The following CDH18 variants were observed in gnomAD, a reference collection of about 807,000 sequenced individuals.
The protein encoded by CDH18 is cadherin 18, also known as cadherin-18.
Under a neutral mutation model 67.9 loss-of-function variants are expected in CDH18, and 31 were observed. The observed-to-expected ratio is 0.46, with a 90% CI of 0.34 to 0.62. The LOEUF (loss-of-function observed/expected upper bound fraction) is 0.62, where lower values mean the gene tolerates loss of function less well. Among genes scored for constraint, CDH18 ranks in the 20% least tolerant of loss-of-function variants. The pLI is 0.01. For missense variants in CDH18, 890 were observed against 975.5 expected (o/e 0.91, Z 1.17); for synonymous variants, 362 against 347.2 (o/e 1.04, Z -0.48).
At chr5:20,165,222 T>A (rs996194632) in intron 2 of CDH18, among the ~76,000 whole-genome samples, 8 of 152,040 alleles carry the variant, frequency 5.3e-5, no homozygotes, top group Admixed American at 2.0e-4. Flanking sequence ...ATTCTAAATT[T>A]AGAATGCATG....
intron 3 of CDH18, among the ~76,000 whole-genome samples, chr5:19,768,708 T>C (rs554718910): frequency 4.6e-5 from 7 of 152,072 alleles, no homozygotes; most frequent in East Asian, 1.9e-4. Context: ...TACAAAACTA[T>C]TGCAGAAAAC....
intron 2 of CDH18, among the ~76,000 whole-genome samples, chr5:20,110,804 T>C (rs1747394673): frequency 1.3e-5 from 2 of 152,218 alleles, no homozygotes; most frequent in African/African-American, 2.4e-5. Flanking sequence ...TGAAAATGAA[T>C]TGAGAATATG....
intron 1 of CDH18, among the ~76,000 whole-genome samples, chr5:20,375,988 C>T (rs1465915883): frequency 6.6e-6 from 1 of 151,490 alleles, no homozygotes; most frequent in Non-Finnish European, 1.5e-5. Context: ...TCCACTGAGA[C>T]TGGGCAACGT....
chr5:20,021,921 GATA>G lies in CDH18; in HGVS notation c.-517-29910_-517-29908del, dbSNP rs771879273. On this transcript the variant is annotated intron_variant, in intron 2 of 14. Transcript: ENST00000507958. ...AGCAGAAGCCATGGACACAGCAATT[GATA>G]ATATTTGCTTAATAAAAACAACACA... 2.3e-4 allele frequency among the ~76,000 whole-genome samples: 35 copies of G among 152,246 alleles called. 1 individual carries two copies. In the East Asian group the frequency reaches 4.3e-3, roughly 18 times the overall value.
intron 3 of CDH18, among the ~76,000 whole-genome samples, chr5:19,772,684 CAT>C: frequency 6.6e-6 from 1 of 152,246 alleles, no homozygotes; most frequent in East Asian, 1.9e-4. Context: ...TTATTATACT[CAT>C]ATTTTTAAAT....
intron 3 of CDH18, among the ~76,000 whole-genome samples, chr5:19,819,892 G>T (rs1779683301): frequency 1.3e-5 from 2 of 152,020 alleles, no homozygotes; most frequent in South Asian, 4.1e-4. Flanking sequence ...TCCCTGCCTG[G>T]CCACTCCCAT....
intron 2 of CDH18, among the ~76,000 whole-genome samples, chr5:20,068,661 A>C (rs1186058447): frequency 6.6e-6 from 1 of 152,164 alleles, no homozygotes; most frequent in Non-Finnish European, 1.5e-5. Flanking sequence ...AAAGAATACC[A>C]AAATATTTTA....
intron 1 of CDH18, among the ~76,000 whole-genome samples, chr5:20,429,635 C>G (rs895283255): frequency 4.6e-5 from 7 of 152,096 alleles, no homozygotes; most frequent in Non-Finnish European, 1.0e-4. Flanking sequence ...GTATATTTTT[C>G]TAACAGCATG....
intron 2 of CDH18, among the ~76,000 whole-genome samples, chr5:20,239,688 T>A (rs776856408): frequency 6.6e-6 from 1 of 152,216 alleles, no homozygotes; most frequent in Non-Finnish European, 1.5e-5. Flanking sequence ...TTTTAGTTTA[T>A]GCATGTCAAT....
intron 9 of CDH18, among the ~76,000 whole-genome samples, chr5:19,533,206 G>A (rs1001526510): frequency 6.6e-6 from 1 of 152,176 alleles, no homozygotes; most frequent in African/African-American, 2.4e-5. Context: ...GAAGGATGGA[G>A]TTAATCAAAA....
chr5:19,631,036 G>C (rs1175341978), intron 5 of CDH18, among the ~76,000 whole-genome samples: 1 of 151,670 alleles, frequency 6.6e-6, no homozygotes, highest in East Asian at 2.0e-4. Context: ...CAATCTTAGG[G>C]TTCCAGAGAA....
intron 3 of CDH18, among the ~76,000 whole-genome samples, chr5:19,763,829 A>AAT (rs1416088158): frequency 6.6e-6 from 1 of 151,926 alleles, no homozygotes; most frequent in African/African-American, 2.4e-5. Flanking sequence ...ACAAAAGCAT[A>AAT]TTAGTGTCCT....
chr5:19,497,444 G>C (rs2126717684), intron 11 of CDH18, among the ~76,000 whole-genome samples: 1 of 152,118 alleles, frequency 6.6e-6, no homozygotes, highest in Admixed American at 6.5e-5. Context: ...TAAAACCTAG[G>C]TCCAAAATAA....
intron 3 of CDH18, among the ~76,000 whole-genome samples, chr5:19,759,939 T>C (rs1772118417): frequency 6.6e-6 from 1 of 152,148 alleles, no homozygotes; most frequent in Non-Finnish European, 1.5e-5. Flanking sequence ...AAATTAGTAT[T>C]TTGTCCATTT....
intron 9 of CDH18, among the ~76,000 whole-genome samples, chr5:19,533,379 T>G (rs543618924): frequency 6.6e-6 from 1 of 151,716 alleles, no homozygotes; most frequent in African/African-American, 2.4e-5. Flanking sequence ...TCAAGAGTCT[T>G]GTTAGAATGG....
chr5:19,916,322 T>A (rs375923070), intron 2 of CDH18, among the ~76,000 whole-genome samples: 6 of 152,272 alleles, frequency 3.9e-5, no homozygotes, highest in African/African-American at 1.2e-4. Context: ...GCAAAAACTG[T>A]AGCTATTCTT....
intron 3 of CDH18, among the ~76,000 whole-genome samples, chr5:19,801,497 A>T (rs1777465758): frequency 6.6e-6 from 1 of 152,184 alleles, no homozygotes; most frequent in Non-Finnish European, 1.5e-5. Context: ...TTGATATCCA[A>T]GTCCTATTTT....
chr5:19,718,281 G>T (rs944987976), intron 5 of CDH18, among the ~76,000 whole-genome samples: 2 of 151,800 alleles, frequency 1.3e-5, no homozygotes, highest in Non-Finnish European at 2.9e-5. Flanking sequence ...TATTATGATT[G>T]GTCTTCAATG....
rs1404614644 is a variant in CDH18, at chr5:19,945,835, AAAAAACTAACAGACTC to A, written c.-257+35209_-257+35224del. On this transcript the variant is annotated intron_variant, in intron 2 of 12. Transcript: ENST00000382275. ...GGTCAACACAGAAAAATAAAAGACT[AAAAAACTAACAGACTC>A]AAAAATCATTTTGATTTTTTGGGAC... Among the ~76,000 whole-genome samples the A allele has an allele frequency of 1.1e-4, 17 of 152,154 alleles. 1 individual carries two copies. The highest frequency in any genetic ancestry group is 5.9e-5 in the Non-Finnish European group (4 of 68,016).
Sources: allele counts gnomAD v4.1 joint callset (sites outside exome capture counted in the v4.1 genomes callset), GRCh38; gene constraint gnomAD v4.1.1; transcripts MANE v1.5; gene names NCBI Gene and HGNC (gene_info 2026-07-23, HGNC 2026-07-21).